CTIF: variants seen among roughly 807,000 people sequenced by gnomAD.
The protein encoded by CTIF is cap binding complex dependent translation initiation factor.
CTIF carries 21 observed loss-of-function variants against 66.0 expected under a neutral mutation model. That is an observed-to-expected ratio of 0.32 (90% CI 0.23 to 0.46). The LOEUF (loss-of-function observed/expected upper bound fraction) is 0.46. Among genes scored for constraint, CTIF ranks in the 20% least tolerant of loss-of-function variants. CTIF has a pLI of 1.00. For synonymous variants in CTIF, 345 were observed against 326.4 expected (o/e 1.06, Z -0.62); for missense variants, 739 against 812.7 (o/e 0.91, Z 1.10).
At chr18:48,702,484 T>C (rs2092097063) in intron 6 of CTIF, among the ~76,000 whole-genome samples, 1 of 152,218 alleles carries the variant, frequency 6.6e-6, no homozygotes, top group African/African-American at 2.4e-5. Context: ...GTAGCTAGCC[T>C]CTGGGATAGT....
rs530332907 is a variant in CTIF, at chr18:48,549,154, A to T, written c.-29+9842A>T. Among the ~76,000 whole-genome samples, 506 of 152,292 alleles carry T rather than the reference A, an allele frequency of 3.3e-3. 1 individual carries two copies. Among genetic ancestry groups the T allele is most frequent in the African/African-American group, 0.011 (449 of 41,560 alleles). On this transcript the variant is annotated intron_variant, in intron 1 of 11. Coordinates refer to ENST00000256413, the MANE Select transcript of CTIF (RefSeq NM_014772.3). ...ATCAGTCATTTATACTGCAGGGTGCACATAGGGGTGATGGGGGAGGTGCTC... is the reference window on the plus strand; with the variant it reads ...ATCAGTCATTTATACTGCAGGGTGCTCATAGGGGTGATGGGGGAGGTGCTC...
At chr18:48,767,527 C>G (rs184696752) in intron 9 of CTIF, among the ~76,000 whole-genome samples, 1 of 152,090 alleles carries the variant, frequency 6.6e-6, no homozygotes, top group Admixed American at 6.5e-5. Flanking sequence ...TTATTAGAGC[C>G]GGCATCAGTG....
At chr18:48,635,563 G>A (rs970452044) in intron 2 of CTIF, among the ~76,000 whole-genome samples, 2 of 152,064 alleles carry the variant, frequency 1.3e-5, no homozygotes, top group Admixed American at 6.5e-5. Context: ...CTGGGTTCAA[G>A]TGATCTCCTG....
chr18:48,761,308 G>T lies in CTIF; in HGVS notation c.1072-82G>T. Reference sequence around the variant, plus strand: ...GGCCTGGTCCTGCTTTCTGGGGGTGGCCACCCTCTTTCCACCAGGCCACCC... The same window carrying T: ...GGCCTGGTCCTGCTTTCTGGGGGTGTCCACCCTCTTTCCACCAGGCCACCC... On this transcript the variant is annotated intron_variant, in intron 8 of 11. Transcript: ENST00000256413. This position sits in a 1 kb window ranked among gnomAD's most constrained non-coding sequence, Gnocchi z 4.2. 7.2e-7 allele frequency: 1 copy of T among 1,398,492 alleles called. No homozygotes were observed. Among genetic ancestry groups the T allele is most frequent in the Non-Finnish European group, 9.8e-7 (1 of 1,019,588 alleles). The allele number at this position is 1,398,492 out of a possible 1,614,324, so 86.6% of individuals were successfully genotyped here.
chr18:48,738,737 C>T (rs754946202), intron 7 of CTIF, among the ~76,000 whole-genome samples: 7 of 152,242 alleles, frequency 4.6e-5, no homozygotes, highest in African/African-American at 1.4e-4. Flanking sequence ...GGCCTTCCCA[C>T]GCTCTGGCAT....
At chr18:48,598,177 G>C (rs2090022025) in intron 1 of CTIF, among the ~76,000 whole-genome samples, 2 of 152,192 alleles carry the variant, frequency 1.3e-5, no homozygotes. Context: ...AGGCTCTGAT[G>C]GTCTTACCAG....
chr18:48,796,423 G>A (rs1422310397), intron 9 of CTIF, among the ~76,000 whole-genome samples: 4 of 152,006 alleles, frequency 2.6e-5, no homozygotes, highest in African/African-American at 4.8e-5. Context: ...CAATCTGCCC[G>A]CCTTGGCCTC....
intron 6 of CTIF, among the ~76,000 whole-genome samples, chr18:48,711,413 G>A (rs1189766265): frequency 6.6e-6 from 1 of 152,200 alleles, no homozygotes; most frequent in Non-Finnish European, 1.5e-5. Context: ...CTTTGATTCT[G>A]TAATTCCAGC....
intron 10 of CTIF, among the ~76,000 whole-genome samples, chr18:48,828,891 G>A (rs1041742814): frequency 1.3e-5 from 2 of 152,206 alleles, no homozygotes; most frequent in Non-Finnish European, 2.9e-5. Flanking sequence ...AGCCCTGGAC[G>A]GCTTGCCCTC....
chr18:48,625,833 C>A (rs1162590517), intron 2 of CTIF, among the ~76,000 whole-genome samples: 1 of 152,104 alleles, frequency 6.6e-6, no homozygotes, highest in Non-Finnish European at 1.5e-5. Context: ...GAACATGCCT[C>A]CTTCTGCACA....
chr18:48,752,697 A>G (rs1023199012), intron 7 of CTIF, among the ~76,000 whole-genome samples: 9 of 152,204 alleles, frequency 5.9e-5, no homozygotes, highest in African/African-American at 1.9e-4. Context: ...TGAGTGGCAC[A>G]GTGCCAGGCT....
chr18:48,638,177 G>T (rs1197685068), intron 3 of CTIF, among the ~76,000 whole-genome samples: 1 of 152,092 alleles, frequency 6.6e-6, no homozygotes, highest in Admixed American at 6.5e-5. Flanking sequence ...CAGTTATTCT[G>T]GGGTCTCCTA....
At chr18:48,602,776 T>C (rs1267529699) in intron 1 of CTIF, among the ~76,000 whole-genome samples, 1 of 152,214 alleles carries the variant, frequency 6.6e-6, no homozygotes, top group Non-Finnish European at 1.5e-5. Context: ...GTTTTTTAAA[T>C]GGACATATGG....
intron 7 of CTIF, among the ~76,000 whole-genome samples, chr18:48,730,692 C>CCTGTGGTGTGAGGGGCTT (rs2092446426): frequency 8.7e-6 from 1 of 114,730 alleles, no homozygotes; most frequent in Non-Finnish European, 1.8e-5. Flanking sequence ...GTGAGGAGCC[C>CCTGTGGTGTGAGGGGCTT]CTGAGGTGTG....
At chr18:48,624,479 T>A (rs1196773299) in intron 2 of CTIF, among the ~76,000 whole-genome samples, 1 of 152,216 alleles carries the variant, frequency 6.6e-6, no homozygotes. Flanking sequence ...TCTCCAAATC[T>A]CATTGACCAC....
At chr18:48,658,878 G>A (rs1181494174) in intron 3 of CTIF, among the ~76,000 whole-genome samples, 2 of 152,142 alleles carry the variant, frequency 1.3e-5, no homozygotes, top group Non-Finnish European at 2.9e-5. Flanking sequence ...TGGGCCCTGG[G>A]GAAGGACATG....
intron 10 of CTIF, among the ~76,000 whole-genome samples, chr18:48,823,976 C>CACACACA (rs2068532607): frequency 3.2e-5 from 4 of 124,104 alleles, no homozygotes; most frequent in African/African-American, 1.1e-4. Flanking sequence ...CCTAAAGACT[C>CACACACA]CACACACACA....
At chr18:48,676,498 C>T (rs2145080900) in intron 6 of CTIF, among the ~76,000 whole-genome samples, 1 of 152,270 alleles carries the variant, frequency 6.6e-6, no homozygotes. Context: ...TTAGATGGCT[C>T]AGACCTAGCA....
chr18:48,622,564 G>A (rs971233500), intron 2 of CTIF, among the ~76,000 whole-genome samples: 8 of 152,124 alleles, frequency 5.3e-5, no homozygotes, highest in Non-Finnish European at 8.8e-5. Flanking sequence ...ACAGCTGACC[G>A]CATGGAGGGT....
Sources: gnomAD v4.1 joint callset for allele counts (sites outside exome capture counted in the v4.1 genomes callset) on GRCh38, gnomAD v4.1.1 for gene constraint, Gnocchi (gnomAD v3.1) non-coding constraint, MANE v1.5 for transcripts, NCBI Gene and HGNC (gene_info 2026-07-23, HGNC 2026-07-21) for gene names.